ZDHHC19: variants seen among roughly 807,000 people sequenced by gnomAD.
ZDHHC19 encodes the protein palmitoyltransferase ZDHHC19.
ZDHHC19 carries 30 observed loss-of-function variants against 33.9 expected under a neutral mutation model. The observed-to-expected ratio is 0.88, with a 90% CI of 0.66 to 1.20. The LOEUF is 1.20. Ranked by LOEUF, ZDHHC19 falls within the 50% of genes most tolerant of loss-of-function variation. The pLI is 0.00. For missense variants in ZDHHC19, 364 were observed against 401.1 expected (o/e 0.91, Z 0.79); for synonymous variants, 178 against 167.6 (o/e 1.06, Z -0.48).
chr3:196,207,540 C>T (rs1465553327), intron 4 of ZDHHC19, 37 bp from the exon 5 acceptor site: 7 of 1,485,842 alleles, frequency 4.7e-6, no homozygotes, highest in African/African-American at 1.5e-5. Flanking sequence ...GGGACCCCCA[C>T]GCCTGGCCCC....
At chr3:196,200,436 G>A (rs1313039169) in intron 5 of ZDHHC19, among the ~76,000 whole-genome samples, 3 of 142,990 alleles carry the variant, frequency 2.1e-5, no homozygotes, top group Non-Finnish European at 3.0e-5. Context: ...CTCACTGCAA[G>A]CTCCGCCTCC....
intron 5 of ZDHHC19, among the ~76,000 whole-genome samples, chr3:196,200,653 CTTTT>C (rs71621224): frequency 6.9e-5 from 9 of 129,800 alleles, no homozygotes; most frequent in Non-Finnish European, 6.5e-5. Context: ...CACGCCTGGC[CTTTT>C]TTTTTTTTTT....
intron 5 of ZDHHC19, among the ~76,000 whole-genome samples, chr3:196,200,359 A>AT (rs527886339): frequency 0.46 from 56,807 of 123,394 alleles, 13,764 homozygotes; most frequent in East Asian, 0.88. Flanking sequence ...TATATATATA[A>AT]TTTTTTTTTT....
At chr3:196,204,036 G>A (rs1722555037) in intron 5 of ZDHHC19, among the ~76,000 whole-genome samples, 1 of 152,146 alleles carries the variant, frequency 6.6e-6, no homozygotes, top group Admixed American at 6.6e-5. Flanking sequence ...GCTCCACATT[G>A]TGCTAGAGGT....
At chr3:196,199,196 C>T (rs1323814984) in intron 5 of ZDHHC19, 37 of 318,594 alleles carry the variant, frequency 1.2e-4, no homozygotes, top group Non-Finnish European at 1.1e-4. Flanking sequence ...GCCTTGAACA[C>T]GCAATGCGGT....
At chr3:196,207,574 C>T (rs1294737165) in intron 4 of ZDHHC19, 71 bp from the exon 5 acceptor site, 23 of 1,027,098 alleles carry the variant, frequency 2.2e-5, no homozygotes, top group Non-Finnish European at 1.8e-5. Flanking sequence ...GACTCCGCCC[C>T]GAGCCCCGCC....
At position 196,211,296 on chromosome 3, in the gene ZDHHC19, G is replaced by A. The variant is rs1423630715; in HGVS notation, c.20C>T (p.Ala7Val). The change falls in exon 1 of 8, where the codon GCC becomes GTC. Residue 7 changes from alanine to valine, a missense_variant. By Grantham distance (64) the Ala-to-Val change is moderately conservative. Coordinates refer to ENST00000296326, the MANE Select transcript of ZDHHC19 (RefSeq NM_001039617.2). MTLLTD[A>V]TPLVKEPHPL... is the part of the protein sequence containing the mutation. The stretch of plus-strand genomic sequence containing the variant: ...ATGGGGCTCCTTCACCAGCGGCGTG[G>A]CATCCGTTAAGAGTGTCATGGCTGG... 1.2e-6 allele frequency: 2 copies of A among 1,613,238 alleles called. No individual in the cohort carries two copies. Among genetic ancestry groups the A allele is most frequent in the African/African-American group, 2.7e-5 (2 of 74,916 alleles).
chr3:196,206,260 C>G lies in ZDHHC19; in HGVS notation c.687+1138G>C, dbSNP rs895521212. On this transcript the variant is annotated intron_variant, in intron 5 of 7. Transcript: ENST00000296326. ...AGAAACAGGGTTTCACCTTGTTGGC[C>G]AGGCTGGTCTCGAACTCCCAGTCTC... 1.5e-4 allele frequency among the ~76,000 whole-genome samples: 23 copies of G among 151,938 alleles called. 1 individual carries two copies. Among genetic ancestry groups the G allele is most frequent in the African/African-American group, 5.5e-4 (23 of 41,450 alleles).
At chr3:196,198,701 G>T in intron 6 of ZDHHC19, 88 bp downstream of exon 6, 1 of 1,604,350 alleles carries the variant, frequency 6.2e-7, no homozygotes, top group South Asian at 1.1e-5. Flanking sequence ...GAGTGTAAGG[G>T]CCTGGGGCTG....
chr3:196,210,060 A>T (rs1723091537), intron 2 of ZDHHC19, among the ~76,000 whole-genome samples: 1 of 152,054 alleles, frequency 6.6e-6, no homozygotes, highest in East Asian at 1.9e-4. Flanking sequence ...GCGTGGTAGC[A>T]TGCTCCTGTA....
Position 196,198,284 on chromosome 3 carries a change from G to C in ZDHHC19, c.*11C>G, listed in dbSNP as rs1721954633. ...ACACACACGCTTCTTACCTCCTGGAGAGCTGCAGCCTCACCACGCCCCGGG... is the reference window on the plus strand; with the variant it reads ...ACACACACGCTTCTTACCTCCTGGACAGCTGCAGCCTCACCACGCCCCGGG... On this transcript the variant is annotated 3_prime_UTR_variant, in exon 7 of 8. Transcript: ENST00000296326. 1 of 1,498,878 alleles carries C rather than the reference G, an allele frequency of 6.7e-7. No individual in the cohort carries two copies. The highest frequency in any genetic ancestry group is 8.9e-7 in the Non-Finnish European group (1 of 1,125,028). 92.8% of individuals were successfully genotyped at this position (1,498,878 alleles called of 1,614,324 possible).
At chr3:196,205,575 G>A (rs1000498594) in intron 5 of ZDHHC19, among the ~76,000 whole-genome samples, 1 of 152,230 alleles carries the variant, frequency 6.6e-6, no homozygotes, top group Non-Finnish European at 1.5e-5. Context: ...CTGCAGGACT[G>A]TATCCGTGTG....
rs771172143 is a variant in ZDHHC19 at position 196,209,520 on chromosome 3, C to A, written c.269-5G>T. 1 of 1,611,974 alleles carries A rather than the reference C, an allele frequency of 6.2e-7. No individual in the cohort carries two copies. The highest frequency in any genetic ancestry group is 8.5e-7 in the Non-Finnish European group (1 of 1,179,434). The stretch of plus-strand genomic sequence containing the variant: ...AGGGGCCCTGCTCAGCGGAGCCTGG[C>A]GTGGGAAGAGGATTGGGCACAGCAG... On this transcript the variant is annotated splice_region_variant and splice_polypyrimidine_tract_variant and intron_variant, in intron 2 of 7. Coordinates refer to ENST00000296326, the MANE Select transcript of ZDHHC19 (RefSeq NM_001039617.2).
chr3:196,201,933 C>T (rs971648273), intron 5 of ZDHHC19, among the ~76,000 whole-genome samples: 5 of 152,148 alleles, frequency 3.3e-5, no homozygotes, highest in African/African-American at 9.7e-5. Context: ...TCTGGCTTCT[C>T]TCTCTTTTTG....
chr3:196,206,243 G>T (rs1455915487), intron 5 of ZDHHC19, among the ~76,000 whole-genome samples: 2 of 151,470 alleles, frequency 1.3e-5, no homozygotes, highest in Admixed American at 6.6e-5. Flanking sequence ...GTAGAAACAG[G>T]GTTTCACCTT....
At chr3:196,201,410 C>T (rs979858488) in intron 5 of ZDHHC19, among the ~76,000 whole-genome samples, 7 of 151,384 alleles carry the variant, frequency 4.6e-5, no homozygotes, top group Non-Finnish European at 1.0e-4. Context: ...ACGCAAGATG[C>T]TTTCAGATAT....
At chr3:196,208,848 C>T (rs987966452) in intron 3 of ZDHHC19, 5 of 430,914 alleles carry the variant, frequency 1.2e-5, no homozygotes, top group South Asian at 3.2e-5. Flanking sequence ...CTGGGCAGAA[C>T]GTAAACCATC....
chr3:196,209,288 C>T (rs1321574735), intron 3 of ZDHHC19, 88 bp downstream of exon 3: 1 of 1,477,400 alleles, frequency 6.8e-7, no homozygotes, highest in Non-Finnish European at 9.0e-7. Flanking sequence ...AACAGCTTCA[C>T]ACCCAGCCCT....
chr3:196,205,916 C>T (rs1470703162), intron 5 of ZDHHC19, among the ~76,000 whole-genome samples: 2 of 151,856 alleles, frequency 1.3e-5, no homozygotes, highest in Non-Finnish European at 1.5e-5. Flanking sequence ...CCACCCACCT[C>T]GGCCTCCCAA....
Sources: gnomAD v4.1 joint callset for allele counts (sites outside exome capture counted in the v4.1 genomes callset) on GRCh38, gnomAD v4.1.1 for gene constraint, MANE v1.5 for transcripts, NCBI Gene and HGNC (gene_info 2026-07-23, HGNC 2026-07-21) for gene names.